The following NUB1 variants were observed in gnomAD, a reference collection of about 807,000 sequenced individuals.
The protein encoded by NUB1 is negative regulator of ubiquitin like proteins 1, also known as NEDD8 ultimate buster 1.
In NUB1, 41 loss-of-function variants were observed where a neutral mutation model predicts 77.1. That is an observed-to-expected ratio of 0.53 (90% CI 0.41 to 0.69). The LOEUF (loss-of-function observed/expected upper bound fraction) is 0.69. NUB1 is among the 30% of genes least tolerant of loss of function. The pLI is 0.00. For missense variants in NUB1, 643 were observed against 743.8 expected (o/e 0.86, Z 1.58); for synonymous variants, 257 against 281.0 (o/e 0.91, Z 0.85).
chr7:151,362,736 CAG>C (rs1448733052), intron 8 of NUB1, among the ~76,000 whole-genome samples: 1 of 152,088 alleles, frequency 6.6e-6, no homozygotes, highest in Non-Finnish European at 1.5e-5. Flanking sequence ...GAGAGGGTGT[CAG>C]AGAGCTTCAG....
intron 2 of NUB1, 63 bp from the exon 3 acceptor site, chr7:151,349,010 C>G: frequency 6.6e-7 from 1 of 1,505,576 alleles, no homozygotes; most frequent in South Asian, 1.2e-5. Flanking sequence ...CTTTCATGCC[C>G]TTTTCTATAT....
intron 11 of NUB1, 59 bp from the exon 12 acceptor site, chr7:151,374,038 T>G (rs1798086155): frequency 1.3e-6 from 2 of 1,505,574 alleles, no homozygotes; most frequent in East Asian, 4.9e-5. Context: ...GAGCGCAGAC[T>G]GAGAGGCTGT....
intron 9 of NUB1, 38 bp downstream of exon 9, chr7:151,367,163 C>A (rs1275970421): frequency 1.3e-6 from 2 of 1,512,794 alleles, no homozygotes; most frequent in Non-Finnish European, 9.1e-7. Flanking sequence ...TCGTTGAGTC[C>A]ATTTCTAGCA....
At chr7:151,372,658 TG>T (rs1354546155) in intron 11 of NUB1, among the ~76,000 whole-genome samples, 2 of 152,138 alleles carry the variant, frequency 1.3e-5, no homozygotes, top group South Asian at 2.1e-4. Context: ...GAAGCATTGT[TG>T]GGGCCAGGGA....
intron 4 of NUB1, chr7:151,352,128 C>A (rs760548354): frequency 1.1e-5 from 5 of 456,704 alleles, no homozygotes; most frequent in South Asian, 7.7e-5. Flanking sequence ...TGGCATGCAA[C>A]ACACATGCGT....
chr7:151,370,082 T>A (rs929383412), intron 11 of NUB1, among the ~76,000 whole-genome samples: 2 of 152,008 alleles, frequency 1.3e-5, no homozygotes, highest in African/African-American at 4.8e-5. Flanking sequence ...GGCAGAGACT[T>A]TGAAAAGCTG....
rs758879339 is a variant in NUB1 at position 151,377,048 on chromosome 7, A to T, written c.1671A>T (p.Gly557=). The T allele has an allele frequency of 6.5e-7, 1 of 1,545,602 alleles. No homozygotes were observed. Among genetic ancestry groups the T allele is most frequent in the Non-Finnish European group, 8.7e-7 (1 of 1,147,586 alleles). The part of the protein sequence containing the change: ...PPATSPSDSA[G]TSSASTDEDM... ...TACTCCTGCGGTATTTTATTGTAGG[A>T]ACCTCTAGTGCCTCAACAGACGAAG... is the stretch of plus-strand genomic sequence containing the variant. Residue 557 remains glycine, a splice_region_variant and synonymous_variant, in exon 15 of 15, where the codon GGA becomes GGT. Transcript: ENST00000568733.
At chr7:151,354,926 G>A (rs956849035) in intron 5 of NUB1, among the ~76,000 whole-genome samples, 11 of 152,164 alleles carry the variant, frequency 7.2e-5, no homozygotes, top group African/African-American at 2.7e-4. Context: ...TTTATTTTCT[G>A]TGGAGACGGG....
At position 151,378,159 on chromosome 7, in the gene NUB1, CA is replaced by C. The variant is rs1281977781; in HGVS notation, c.*935del. The C allele has an allele frequency of 6.6e-6, 1 of 152,184 alleles. No homozygotes were observed. The highest frequency in any genetic ancestry group is 6.5e-5 in the Admixed American group (1 of 15,274). The allele number at this position is 152,184 out of a possible 1,614,324, so 9.4% of individuals were successfully genotyped here. On this transcript the variant is annotated 3_prime_UTR_variant, in exon 15 of 15. Coordinates refer to ENST00000568733, the MANE Select transcript of NUB1 (RefSeq NM_001243351.2). ...TGTCGGCTCCAGCAGTAACCGTCCT[CA>C]CTGCGCCACGCACTCCTCTGTAGAT...
chr7:151,351,790 G>T (rs1021938510), intron 4 of NUB1, among the ~76,000 whole-genome samples: 2 of 152,102 alleles, frequency 1.3e-5, no homozygotes, highest in African/African-American at 4.8e-5. Flanking sequence ...ATACAAGCAG[G>T]AGACACCTGG....
intron 11 of NUB1, among the ~76,000 whole-genome samples, chr7:151,372,737 C>T (rs1157324624): frequency 6.6e-6 from 1 of 152,016 alleles, no homozygotes; most frequent in Non-Finnish European, 1.5e-5. Flanking sequence ...GGAGCTGCTG[C>T]GGGCTTTCAG....
rs376758589 is a variant in NUB1 at position 151,368,863 on chromosome 7, C to T, written c.1224C>T (p.Ala408=). ...RACDGNVDHA[A]THITNRREEL... ...GTGATGGGAACGTGGATCATGCGGC[C>T]ACTCATATTACCAACCGCAGAGAGG... is the stretch of plus-strand genomic sequence containing the variant. The change falls in exon 11 of 15, where the codon GCC becomes GCT. Residue 408 remains alanine, a synonymous_variant. Coordinates refer to ENST00000568733, the MANE Select transcript of NUB1 (RefSeq NM_001243351.2). The T allele has an allele frequency of 1.2e-6, 2 of 1,613,628 alleles. No individual in the cohort carries two copies. The highest frequency in any genetic ancestry group is 2.7e-5 in the African/African-American group (2 of 74,914).
chr7:151,360,031 A>G, intron 7 of NUB1, 110 bp from the exon 8 acceptor site: 1 of 566,498 alleles, frequency 1.8e-6, no homozygotes, highest in Non-Finnish European at 3.1e-6. Flanking sequence ...TTGAGTTATG[A>G]TCTTGTTTTC....
rs367707343 is a variant in NUB1 at position 151,360,148 on chromosome 7, T to C, written c.701T>C (p.Met234Thr). Residue 234 changes from methionine (M) to threonine (T), a missense_variant, in exon 8 of 15, where the codon ATG (methionine) becomes ACG (threonine). Physicochemically the swap from Met to Thr is moderately conservative, Grantham distance 81. Coordinates refer to ENST00000568733, the MANE Select transcript of NUB1 (RefSeq NM_001243351.2). ...RIPPSERKAL[M>T]LAMGYHEKGR... ...ATTTGTATTTTTTCCTAGGCCCTTA[T>C]GTTAGCTATGGGATATCATGAGAAG... 5.1e-6 allele frequency: 8 copies of C among 1,555,596 alleles called. No individual in the cohort carries two copies. Among genetic ancestry groups the C allele is most frequent in the East Asian group, 4.5e-5 (2 of 44,602 alleles).
In NUB1 at chr7:151,377,298, C is replaced by A; in HGVS notation, c.*73C>A. Reference sequence around the variant, plus strand: ...TATGAAAAGGCTAATGCAGCTCTTTCTGTTCTTACTTTTTATCTGAATTAC... The same window carrying A: ...TATGAAAAGGCTAATGCAGCTCTTTATGTTCTTACTTTTTATCTGAATTAC... On this transcript the variant is annotated 3_prime_UTR_variant, in exon 15 of 15. Coordinates refer to ENST00000568733, the MANE Select transcript of NUB1 (RefSeq NM_001243351.2). 1.0e-6 allele frequency: 1 copy of A among 1,002,418 alleles called. No individual in the cohort carries two copies. The allele number at this position is 1,002,418 out of a possible 1,614,324, so 62.1% of individuals were successfully genotyped here.
intron 2 of NUB1, among the ~76,000 whole-genome samples, chr7:151,346,199 T>A (rs575516304): frequency 6.6e-6 from 1 of 152,336 alleles, no homozygotes; most frequent in South Asian, 2.1e-4. Context: ...ACAAACTGTA[T>A]TAGGGTCCTA....
chr7:151,374,309 A>G (rs1798104563), intron 12 of NUB1, 66 bp downstream of exon 12: 4 of 1,522,024 alleles, frequency 2.6e-6, no homozygotes, highest in African/African-American at 1.4e-5. Context: ...AGCTCCCTCC[A>G]TGGCTCTCCA....
chr7:151,350,114 C>T (rs966883616), intron 3 of NUB1, among the ~76,000 whole-genome samples: 1 of 152,226 alleles, frequency 6.6e-6, no homozygotes, highest in Non-Finnish European at 1.5e-5. Context: ...CTATGCTCTT[C>T]TCAGAAAGAT....
intron 1 of NUB1, 24 bp from the exon 2 acceptor site, chr7:151,345,324 A>T (rs2150660042): frequency 7.0e-7 from 1 of 1,425,902 alleles, no homozygotes; most frequent in South Asian, 1.2e-5. Context: ...GTGGAGTTTT[A>T]TTAATGTATT....
Sources: gnomAD v4.1 joint callset for allele counts (sites outside exome capture counted in the v4.1 genomes callset) on GRCh38, gnomAD v4.1.1 for gene constraint, MANE v1.5 for transcripts, NCBI Gene and HGNC (gene_info 2026-07-23, HGNC 2026-07-21) for gene names.